Variants in MAN2B2 observed in about 807,000 individuals in gnomAD.
MAN2B2 encodes the protein mannosidase alpha class 2B member 2.
A neutral mutation model predicts 117.1 loss-of-function variants in MAN2B2; 106 were observed. That is an observed-to-expected ratio of 0.90 (90% CI 0.77 to 1.06). The LOEUF (loss-of-function observed/expected upper bound fraction) is 1.06. Among genes scored for constraint, MAN2B2 ranks in the 50% least tolerant of loss-of-function variants. MAN2B2 has a pLI of 0.00. For missense variants in MAN2B2, 1,326 were observed against 1,381.4 expected (o/e 0.96, Z 0.64); for synonymous variants, 544 against 595.1 (o/e 0.91, Z 1.25).
At chr4:6,617,272 G>T (rs955859681) in intron 16 of MAN2B2, 108 bp from the exon 17 acceptor site, 4 of 788,724 alleles carry the variant, frequency 5.1e-6, no homozygotes, top group African/African-American at 3.4e-5. Context: ...TATCGAGGAG[G>T]TTACAGATAG....
At chr4:6,619,555 G>A (rs964731235) in intron 17 of MAN2B2, 2 of 205,470 alleles carry the variant, frequency 9.7e-6, no homozygotes, top group South Asian at 7.5e-5. Flanking sequence ...GGGAAAGGGG[G>A]ATGGGGTAAC....
intron 7 of MAN2B2, among the ~76,000 whole-genome samples, chr4:6,595,013 C>G (rs549924635): frequency 6.4e-4 from 98 of 152,348 alleles, no homozygotes; most frequent in African/African-American, 2.3e-3. Context: ...CAGGTGGTGC[C>G]TCCTGCTGGG....
chr4:6,609,021 G>A (rs1727652940), intron 11 of MAN2B2, 86 bp from the exon 12 acceptor site: 1 of 1,298,754 alleles, frequency 7.7e-7, no homozygotes, highest in African/African-American at 1.5e-5. Context: ...CACTCAGATG[G>A]CATCTGGAGA....
intron 11 of MAN2B2, among the ~76,000 whole-genome samples, chr4:6,608,210 A>G (rs1340389269): frequency 4.0e-5 from 6 of 151,556 alleles, no homozygotes; most frequent in African/African-American, 1.2e-4. Context: ...CCCCTGGGGG[A>G]GCTTTTTAAA....
chr4:6,617,307 A>G, intron 16 of MAN2B2, 73 bp from the exon 17 acceptor site: 1 of 1,126,418 alleles, frequency 8.9e-7, no homozygotes, highest in East Asian at 2.4e-5. Flanking sequence ...TGTGTAAAGC[A>G]GCGGGTATAG....
chr4:6,589,012 C>A (rs1432261230), intron 4 of MAN2B2, 33 bp from the exon 5 acceptor site: 8 of 1,536,120 alleles, frequency 5.2e-6, no homozygotes, highest in African/African-American at 1.4e-5. Context: ...GCCATGTGGC[C>A]CCTCCAGCCT....
chr4:6,589,124 G>C lies in MAN2B2; in HGVS notation c.644G>C (p.Ser215Thr). The C allele has an allele frequency of 6.2e-7, 1 of 1,614,188 alleles. No individual in the cohort carries two copies. The highest frequency in any genetic ancestry group is 2.2e-5 in the East Asian group (1 of 44,882). ...EIFTHIMDQY[S>T]YCTPSHIPFS... The stretch of plus-strand genomic sequence containing the variant: ...TTCACGCACATCATGGACCAGTACA[G>C]CTACTGCACCCCGTCCCACATCCCT... The change falls in exon 5 of 19, where the codon AGC becomes ACC. Residue 215 changes from serine to threonine, a missense_variant. Coordinates refer to ENST00000285599, the MANE Select transcript of MAN2B2 (RefSeq NM_015274.3).
intron 3 of MAN2B2, among the ~76,000 whole-genome samples, chr4:6,586,477 C>A (rs952462707): frequency 6.6e-6 from 1 of 152,200 alleles, no homozygotes; most frequent in African/African-American, 2.4e-5. Context: ...TCCAAGTTCA[C>A]ACAAAAATCC....
At chr4:6,577,649 G>C (rs774572250) in intron 2 of MAN2B2, among the ~76,000 whole-genome samples, 2 of 152,246 alleles carry the variant, frequency 1.3e-5, no homozygotes, top group Non-Finnish European at 2.9e-5. Flanking sequence ...TCTGAGCCAG[G>C]CATGCCTGAC....
chr4:6,604,033 G>A (rs975616529), intron 10 of MAN2B2, among the ~76,000 whole-genome samples: 2 of 152,230 alleles, frequency 1.3e-5, no homozygotes, highest in South Asian at 2.1e-4. Flanking sequence ...GGAAAAGTCC[G>A]TCCACGTGGG....
chr4:6,614,220 A>G lies in MAN2B2; in HGVS notation c.2566A>G (p.Thr856Ala). The G allele has an allele frequency of 1.2e-6, 2 of 1,614,014 alleles. No individual in the cohort carries two copies. The highest frequency in any genetic ancestry group is 1.7e-6 in the Non-Finnish European group (2 of 1,179,944). ...PVVLFGDLAG[T>A]APKLPGPQQQ... ...CACTCTGTCCATCTGCCTTGCAGGG[A>G]CTGCGCCGAAGCTCCCAGGACCCCA... The change falls in exon 16 of 19, where the codon ACT (threonine) becomes GCT (alanine). Residue 856 changes from threonine (T) to alanine (A), a missense_variant and splice_region_variant. Thr to Ala is a moderately conservative substitution (Grantham distance 58). Coordinates refer to ENST00000285599, the MANE Select transcript of MAN2B2 (RefSeq NM_015274.3).
chr4:6,576,513 G>C (rs1229200986), intron 1 of MAN2B2, 65 bp from the exon 2 acceptor site: 1 of 1,580,512 alleles, frequency 6.3e-7, no homozygotes, highest in East Asian at 2.3e-5. Context: ...CTGGCGAATG[G>C]CAGGGGCCCC....
chr4:6,621,434 G>T lies in MAN2B2; in HGVS notation c.*149G>T. Reference sequence around the variant, plus strand: ...TAATGGCAGGAAATGGTCATATTTGGGGTTTTTCCCTAATTTTTTTAAACA... The same window carrying T: ...TAATGGCAGGAAATGGTCATATTTGTGGTTTTTCCCTAATTTTTTTAAACA... On this transcript the variant is annotated 3_prime_UTR_variant, in exon 19 of 19. Coordinates refer to ENST00000285599, the MANE Select transcript of MAN2B2 (RefSeq NM_015274.3). The T allele has an allele frequency of 1.6e-6, 1 of 618,194 alleles. No individual in the cohort carries two copies. The highest frequency in any genetic ancestry group is 2.7e-6 in the Non-Finnish European group (1 of 367,874). The allele number at this position is 618,194 out of a possible 1,614,324, so 38.3% of individuals were successfully genotyped here.
At chr4:6,610,768 C>T in intron 13 of MAN2B2, 112 bp from the exon 14 acceptor site, 1 of 865,786 alleles carries the variant, frequency 1.2e-6, no homozygotes, top group Non-Finnish European at 1.9e-6. Context: ...GGTCCCAGCC[C>T]CATGCTGCTG....
intron 15 of MAN2B2, among the ~76,000 whole-genome samples, chr4:6,612,465 G>A (rs1291601395): frequency 6.6e-6 from 1 of 152,224 alleles, no homozygotes; most frequent in Non-Finnish European, 1.5e-5. Context: ...CAGCTATTTG[G>A]GCAGAGCCTG....
chr4:6,595,965 C>T (rs1577282611), intron 7 of MAN2B2, among the ~76,000 whole-genome samples: 1 of 152,102 alleles, frequency 6.6e-6, no homozygotes, highest in Admixed American at 6.5e-5. Flanking sequence ...GGGGGATGTC[C>T]GTGGATGTGG....
intron 3 of MAN2B2, among the ~76,000 whole-genome samples, chr4:6,579,319 T>G (rs868723960): frequency 1.7e-4 from 3 of 17,388 alleles, no homozygotes; most frequent in South Asian, 2.7e-3. Context: ...ACCACCACCA[T>G]CACCACCACC....
At position 6,614,447 on chromosome 4, in the gene MAN2B2, G is replaced by T. The variant is rs1711759758; in HGVS notation, c.2701+92G>T. The T allele has an allele frequency of 2.0e-6, 3 of 1,463,684 alleles. No homozygotes were observed. In the East Asian group the frequency reaches 7.0e-5, roughly 34 times the overall value. 90.7% of individuals were successfully genotyped at this position (1,463,684 alleles called of 1,614,324 possible). On this transcript the variant is annotated intron_variant, in intron 16 of 18. Transcript: ENST00000285599. ...CACCACCAGACAGGGGCTCACCTTA[G>T]AGCTATCATGGCTCTGCAAGGTCAC...
At chr4:6,584,935 C>T (rs567505066) in intron 3 of MAN2B2, among the ~76,000 whole-genome samples, 6 of 152,180 alleles carry the variant, frequency 3.9e-5, no homozygotes, top group East Asian at 1.9e-4. Flanking sequence ...CTGCCCCCAC[C>T]GGCTGCCCTG....
Sources: allele counts gnomAD v4.1 joint callset (sites outside exome capture counted in the v4.1 genomes callset), GRCh38; gene constraint gnomAD v4.1.1; transcripts MANE v1.5; gene names NCBI Gene and HGNC (gene_info 2026-07-23, HGNC 2026-07-21).